Variants in TMEM232 observed in about 807,000 individuals in gnomAD.
TMEM232 encodes the protein transmembrane protein 232.
A neutral mutation model predicts 78.8 loss-of-function variants in TMEM232; 80 were observed. That is an observed-to-expected ratio of 1.01 (90% CI 0.85 to 1.22). The LOEUF (loss-of-function observed/expected upper bound fraction) is 1.22. Ranked by LOEUF, TMEM232 falls within the 50% of genes most tolerant of loss-of-function variation. TMEM232 has a pLI of 0.00. For missense variants in TMEM232, 881 were observed against 742.2 expected, an observed-to-expected ratio of 1.19 and a Z score of -2.17; for synonymous variants, 297 against 254.3, an observed-to-expected ratio of 1.17 and a Z score of -1.60.
chr5:110,531,064 T>C (rs890545784), intron 11 of TMEM232, among the ~76,000 whole-genome samples: 2 of 152,158 alleles, frequency 1.3e-5, no homozygotes, highest in African/African-American at 4.8e-5. Context: ...GTTCCTGCCT[T>C]AACTGATGAC....
intron 2 of TMEM232, among the ~76,000 whole-genome samples, chr5:110,413,519 G>C (rs1054079779): frequency 6.6e-6 from 1 of 152,080 alleles, no homozygotes; most frequent in Middle Eastern, 3.2e-3. Flanking sequence ...TATTAGTCCT[G>C]TACCTCTAGA....
At chr5:110,592,365 G>C (rs1202055887) in intron 10 of TMEM232, among the ~76,000 whole-genome samples, 1 of 152,000 alleles carries the variant, frequency 6.6e-6, no homozygotes, top group African/African-American at 2.4e-5. Flanking sequence ...ACAAAGCTTT[G>C]GTAAGAATTG....
intron 12 of TMEM232, among the ~76,000 whole-genome samples, chr5:110,473,890 CAA>C (rs61351197): frequency 0.029 from 408 of 14,202 alleles, 2 homozygotes; most frequent in African/African-American, 0.095. Context: ...AGCCAGACAC[CAA>C]AAAAAAAAAA....
At chr5:110,504,377 C>G (rs1176850016) in intron 12 of TMEM232, among the ~76,000 whole-genome samples, 1 of 152,144 alleles carries the variant, frequency 6.6e-6, no homozygotes, top group Non-Finnish European at 1.5e-5. Flanking sequence ...GAATAGAAGA[C>G]AGCAAAGCTG....
At chr5:110,590,292 C>T (rs1779346387) in intron 10 of TMEM232, among the ~76,000 whole-genome samples, 1 of 152,086 alleles carries the variant, frequency 6.6e-6, no homozygotes, top group South Asian at 2.1e-4. Flanking sequence ...TCAAGTTCTA[C>T]TCCTGTATCA....
At chr5:110,496,365 T>C (rs947941044) in intron 12 of TMEM232, among the ~76,000 whole-genome samples, 3 of 152,034 alleles carry the variant, frequency 2.0e-5, no homozygotes, top group African/African-American at 7.2e-5. Context: ...TCATGAACAC[T>C]ATTACTCATC....
chr5:110,390,002 G>A lies in TMEM232; in HGVS notation n.615+414C>T, dbSNP rs1007715817. Among the ~76,000 whole-genome samples the A allele has an allele frequency of 3.9e-5, 6 of 152,082 alleles. No homozygotes were observed. The South Asian group carries it at 6.2e-4, about 16-fold the overall frequency. ...TACATATGTGTGTCTGTCAGAGAAC[G>A]GATCATCCTGTGAGAGAGAAGGACT... On this transcript the variant is annotated intron_variant and non_coding_transcript_variant, in intron 4 of 8. Transcript: ENST00000507188.
intron 12 of TMEM232, among the ~76,000 whole-genome samples, chr5:110,510,787 G>A (rs1472098152): frequency 6.6e-6 from 1 of 152,076 alleles, no homozygotes; most frequent in Non-Finnish European, 1.5e-5. Context: ...TAAAAAGTCA[G>A]GAAACAACAG....
intron 1 of TMEM232, among the ~76,000 whole-genome samples, chr5:110,699,493 G>A (rs1459978026): frequency 2.6e-5 from 4 of 151,962 alleles, no homozygotes; most frequent in Admixed American, 6.6e-5. Flanking sequence ...TTGAGATCCC[G>A]AAACTGGTTT....
At chr5:110,478,040 T>G (rs2149389200) in intron 12 of TMEM232, among the ~76,000 whole-genome samples, 2 of 152,036 alleles carry the variant, frequency 1.3e-5, no homozygotes, top group South Asian at 4.1e-4. Context: ...TACTACATTC[T>G]GAATAGCATT....
chr5:110,712,516 C>T (rs1156801278), intron 1 of TMEM232, among the ~76,000 whole-genome samples: 1 of 152,092 alleles, frequency 6.6e-6, no homozygotes, highest in East Asian at 1.9e-4. Context: ...CATTGATCAT[C>T]AGAGAAATGC....
In TMEM232 at chr5:110,599,145, T is replaced by C. The variant is rs186500486; in HGVS notation, c.1276+5964A>G. On this transcript the variant is annotated intron_variant, in intron 10 of 13. Transcript: ENST00000455884. ...TAAAGGATTTTGTCACCATCAGGCC[T>C]GCCTTACAAGAGCTCCTGAAAGAGG... is the stretch of plus-strand genomic sequence containing the variant. 3.0e-4 allele frequency among the ~76,000 whole-genome samples: 45 copies of C among 152,216 alleles called. 1 individual carries two copies. In the East Asian group the frequency reaches 8.3e-3, roughly 28 times the overall value.
At chr5:110,702,294 G>T (rs538103023) in intron 1 of TMEM232, among the ~76,000 whole-genome samples, 33 of 152,106 alleles carry the variant, frequency 2.2e-4, no homozygotes, top group Non-Finnish European at 4.4e-4. Flanking sequence ...GGACAGTATA[G>T]TCCTATTTTC....
At chr5:110,615,480 TC>T (rs2149877873) in intron 8 of TMEM232, among the ~76,000 whole-genome samples, 1 of 152,006 alleles carries the variant, frequency 6.6e-6, no homozygotes, top group South Asian at 2.1e-4. Context: ...TCAGAAATAC[TC>T]CTCAACACAA....
At chr5:110,467,460 A>C (rs115585482) in intron 12 of TMEM232, among the ~76,000 whole-genome samples, 2 of 152,360 alleles carry the variant, frequency 1.3e-5, no homozygotes, top group Non-Finnish European at 2.9e-5. Flanking sequence ...TTCAAATTCT[A>C]AAGCTTATGC....
chr5:110,638,621 A>G (rs1786232248), intron 4 of TMEM232, among the ~76,000 whole-genome samples: 1 of 152,158 alleles, frequency 6.6e-6, no homozygotes, highest in Admixed American at 6.6e-5. Context: ...GAATCAGAAA[A>G]GGCACCAATG....
chr5:110,727,591 A>G (rs182491253), upstream of TMEM232, among the ~76,000 whole-genome samples: 3 of 152,346 alleles, frequency 2.0e-5, no homozygotes, highest in African/African-American at 7.2e-5. Context: ...CCTGGGAAAC[A>G]GAGCGAGATT....
At chr5:110,588,600 G>C (rs566115110) in intron 10 of TMEM232, among the ~76,000 whole-genome samples, 8 of 152,090 alleles carry the variant, frequency 5.3e-5, no homozygotes, top group Non-Finnish European at 1.2e-4. Context: ...ACTAGAACGC[G>C]AGAAAATGAA....
chr5:110,515,091 T>C (rs889522654), intron 12 of TMEM232, among the ~76,000 whole-genome samples: 2 of 152,218 alleles, frequency 1.3e-5, no homozygotes, highest in Non-Finnish European at 2.9e-5. Flanking sequence ...TCTGAACTTA[T>C]GGTTGCAAAT....
Sources: allele counts gnomAD v4.1 joint callset (sites outside exome capture counted in the v4.1 genomes callset), GRCh38; gene constraint gnomAD v4.1.1; transcripts MANE v1.5; gene names NCBI Gene and HGNC (gene_info 2026-07-23, HGNC 2026-07-21).